COTL1: variants seen among roughly 807,000 people sequenced by gnomAD.
COTL1 encodes coactosin like F-actin binding protein 1.
Under a neutral mutation model 16.5 loss-of-function variants are expected in COTL1, and 15 were observed. The observed-to-expected ratio is 0.91, with a 90% CI of 0.61 to 1.40. The LOEUF is 1.40. Among genes scored for constraint, COTL1 ranks in the 40% most tolerant of loss-of-function variants. The probability of loss-of-function intolerance (pLI) is 0.00; values close to 1 mark genes in which losing one functional copy is unlikely to be tolerated. For synonymous variants in COTL1, 112 were observed against 85.3 expected (o/e 1.31, Z -1.73); for missense variants, 220 against 201.5 (o/e 1.09, Z -0.56).
At chr16:84,606,143 G>A (rs1427372906) in intron 2 of COTL1, among the ~76,000 whole-genome samples, 1 of 152,230 alleles carries the variant, frequency 6.6e-6, no homozygotes, top group Non-Finnish European at 1.5e-5. Flanking sequence ...ACCAGCCTCT[G>A]GGGACCTGCC....
intron 2 of COTL1, among the ~76,000 whole-genome samples, chr16:84,607,647 C>T (rs1415022665): frequency 1.3e-5 from 2 of 152,108 alleles, no homozygotes; most frequent in African/African-American, 2.4e-5. Flanking sequence ...TGGCCAGCAC[C>T]TGTCATAAAG....
chr16:84,584,832 C>T (rs1022315870), intron 3 of COTL1, among the ~76,000 whole-genome samples: 2 of 152,182 alleles, frequency 1.3e-5, no homozygotes, highest in African/African-American at 2.4e-5. Context: ...AAGGCAGGCA[C>T]TATATTGCCC....
intron 3 of COTL1, among the ~76,000 whole-genome samples, chr16:84,577,680 G>A (rs556523644): frequency 2.6e-5 from 4 of 152,260 alleles, no homozygotes; most frequent in South Asian, 2.1e-4. Flanking sequence ...CAGGAGTGAC[G>A]CGACCCTGCT....
intron 3 of COTL1, among the ~76,000 whole-genome samples, chr16:84,586,914 T>C (rs1385160794): frequency 6.6e-6 from 1 of 152,096 alleles, no homozygotes; most frequent in Admixed American, 6.5e-5. Flanking sequence ...GTTTTTTAAA[T>C]AGGAAGACAA....
At chr16:84,582,599 G>A (rs764476085) in intron 3 of COTL1, among the ~76,000 whole-genome samples, 1 of 152,108 alleles carries the variant, frequency 6.6e-6, no homozygotes, top group African/African-American at 2.4e-5. Flanking sequence ...ATACTATCTA[G>A]ACCATAGTAG....
At chr16:84,592,915 T>C (rs1904906652) in intron 2 of COTL1, among the ~76,000 whole-genome samples, 1 of 152,232 alleles carries the variant, frequency 6.6e-6, no homozygotes, top group Non-Finnish European at 1.5e-5. Context: ...GGTCAGGGAC[T>C]CCACAACACT....
rs552769149 is a variant in COTL1 at position 84,590,152 on chromosome 16, G to A, written c.271C>T (p.Arg91Cys). 89 of 1,614,034 alleles carry A rather than the reference G, an allele frequency of 5.5e-5. No homozygotes were observed. The highest frequency in any genetic ancestry group is 8.3e-5 in the Admixed American group (5 of 60,030). ...GTCTTGTCCGTCCCGGTTTTGGCGCGCTGCAGCCCGCTGACGTTCTCACCG... is the reference window on the plus strand; with the variant it reads ...GTCTTGTCCGTCCCGGTTTTGGCGCACTGCAGCCCGCTGACGTTCTCACCG... ...WIGENVSGLQ[R>C]AKTGTDKTLV... Residue 91 changes from arginine to cysteine, a missense_variant, in exon 3 of 4, where the codon CGC becomes TGC. Arg to Cys is a radical substitution (Grantham distance 180). Transcript: ENST00000262428. This position sits in a 1 kb window ranked among gnomAD's most constrained non-coding sequence, Gnocchi z 5.5.
intron 2 of COTL1, among the ~76,000 whole-genome samples, chr16:84,614,084 G>A (rs1020828211): frequency 2.0e-5 from 3 of 152,198 alleles, no homozygotes; most frequent in Non-Finnish European, 4.4e-5. Context: ...TTTGGAGTTC[G>A]GGCAGTCTTT....
chr16:84,594,656 G>A (rs561604294), intron 2 of COTL1: 7 of 152,352 alleles, frequency 4.6e-5, no homozygotes, highest in South Asian at 2.1e-4. Context: ...AACCGCTCTC[G>A]GGTTCCCATT....
At chr16:84,605,802 C>T (rs1014772090) in intron 2 of COTL1, among the ~76,000 whole-genome samples, 6 of 152,232 alleles carry the variant, frequency 3.9e-5, no homozygotes, top group Non-Finnish European at 7.3e-5. Flanking sequence ...ACTTGCAGAA[C>T]TATAAGATGA....
At chr16:84,569,377 T>C (rs1229684389) in intron 3 of COTL1, among the ~76,000 whole-genome samples, 2 of 151,950 alleles carry the variant, frequency 1.3e-5, no homozygotes. Flanking sequence ...TCCACCACAA[T>C]TAAAAAATAA....
intron 3 of COTL1, among the ~76,000 whole-genome samples, chr16:84,585,313 C>A (rs1295926767): frequency 6.7e-6 from 1 of 149,808 alleles, no homozygotes; most frequent in African/African-American, 2.5e-5. Context: ...TGAGATTGTG[C>A]CACTGTACTC....
chr16:84,575,983 C>T (rs1222499330), intron 3 of COTL1: 3 of 152,212 alleles, frequency 2.0e-5, no homozygotes, highest in East Asian at 3.8e-4. Flanking sequence ...TTCTCAGGAT[C>T]GTTAGGGGAA....
At chr16:84,597,628 G>A (rs988377174) in intron 2 of COTL1, among the ~76,000 whole-genome samples, 1 of 152,228 alleles carries the variant, frequency 6.6e-6, no homozygotes, top group Non-Finnish European at 1.5e-5. Flanking sequence ...CTTAGAGGAA[G>A]AGGTGGAGAA....
intron 2 of COTL1, among the ~76,000 whole-genome samples, chr16:84,612,011 C>T (rs540148466): frequency 6.6e-6 from 1 of 152,290 alleles, no homozygotes; most frequent in South Asian, 2.1e-4. Flanking sequence ...CCCTCCAGCC[C>T]AGCTCAGCAC....
intron 3 of COTL1, 105 bp from the exon 4 acceptor site, chr16:84,567,060 T>A: frequency 1.3e-6 from 1 of 761,814 alleles, no homozygotes; most frequent in East Asian, 2.5e-5. Flanking sequence ...AAAACCCTGA[T>A]GAGAGATGGA....
intron 2 of COTL1, among the ~76,000 whole-genome samples, chr16:84,600,616 G>A (rs1905089186): frequency 6.6e-6 from 1 of 152,152 alleles, no homozygotes; most frequent in Non-Finnish European, 1.5e-5. Flanking sequence ...CCCGGCCAAG[G>A]CTCTGTTTCT....
chr16:84,572,638 T>C (rs1904357935), intron 3 of COTL1, among the ~76,000 whole-genome samples: 1 of 152,184 alleles, frequency 6.6e-6, no homozygotes, highest in Non-Finnish European at 1.5e-5. Context: ...TTTTTGTATT[T>C]TTCTGTAGAG....
At chr16:84,587,662 C>A (rs1214085621) in intron 3 of COTL1, among the ~76,000 whole-genome samples, 1 of 152,008 alleles carries the variant, frequency 6.6e-6, no homozygotes, top group Non-Finnish European at 1.5e-5. Context: ...TAGGCTGGGA[C>A]CACAGCAAAG....
Sources: gnomAD v4.1 joint callset for allele counts (sites outside exome capture counted in the v4.1 genomes callset) on GRCh38, gnomAD v4.1.1 for gene constraint, Gnocchi (gnomAD v3.1) non-coding constraint, MANE v1.5 for transcripts, NCBI Gene and HGNC (gene_info 2026-07-23, HGNC 2026-07-21) for gene names.